Variants in RBM26 observed in about 807,000 individuals in gnomAD.
RBM26 encodes RNA binding motif protein 26.
RBM26 carries 30 observed loss-of-function variants against 123.6 expected under a neutral mutation model. The observed-to-expected ratio is 0.24, with a 90% CI of 0.18 to 0.33. RBM26 has a LOEUF of 0.33. RBM26 is among the 10% of genes least tolerant of loss of function. The pLI, the probability that RBM26 is intolerant of heterozygous loss-of-function variation, is 1.00. For missense variants in RBM26, 947 were observed against 1,203.6 expected (o/e 0.79, Z 3.15); for synonymous variants, 400 against 404.4 (o/e 0.99, Z 0.13).
chr13:79,348,766 C>T (rs144592326), intron 14 of RBM26, among the ~76,000 whole-genome samples: 18 of 152,242 alleles, frequency 1.2e-4, no homozygotes, highest in South Asian at 8.3e-4. Context: ...CACAGATGTG[C>T]GTTCTGTATC....
At chr13:79,329,631 T>C (rs1349856457) in intron 20 of RBM26, among the ~76,000 whole-genome samples, 1 of 152,098 alleles carries the variant, frequency 6.6e-6, no homozygotes, top group Non-Finnish European at 1.5e-5. Flanking sequence ...AAAGATGGAA[T>C]AACTTCAACA....
intron 1 of RBM26, among the ~76,000 whole-genome samples, chr13:79,402,282 T>C (rs1370846400): frequency 1.3e-5 from 2 of 152,114 alleles, no homozygotes; most frequent in African/African-American, 2.4e-5. Flanking sequence ...GATGACAATT[T>C]TAATAAAGTT....
At position 79,368,988 on chromosome 13, in the gene RBM26, T is replaced by C. The variant is rs1414177736; in HGVS notation, c.637A>G (p.Arg213Gly). 6.3e-7 allele frequency: 1 copy of C among 1,594,516 alleles called. No individual in the cohort carries two copies. Among genetic ancestry groups the C allele is most frequent in the Non-Finnish European group, 8.6e-7 (1 of 1,167,872 alleles). ...TCATATTTAGGTTTTACCAGATCCC[T>C]TTCTGCAACGAAAGATAAATGACAT... ...RSRSRTRSRERDLVKPKYDLD... is the reference protein window; with the variant it reads ...RSRSRTRSREGDLVKPKYDLD... Residue 213 changes from arginine (R) to glycine (G), a missense_variant and splice_region_variant, in exon 6 of 22, where the codon AGG (arginine) becomes GGG (glycine). Arg to Gly is a moderately radical substitution (Grantham distance 125). Around this residue, in one of 5 missense-constraint regions of RBM26, gnomAD observed 275 missense variants for 361.0 expected, o/e 0.76. Transcript: ENST00000438737.
intron 18 of RBM26, among the ~76,000 whole-genome samples, chr13:79,338,923 C>T (rs1191810382): frequency 6.6e-6 from 1 of 152,076 alleles, no homozygotes; most frequent in African/African-American, 2.4e-5. Context: ...ATTAAGACTG[C>T]CAGATTTCTG....
At chr13:79,345,024 A>G (rs2072074995) in intron 14 of RBM26, among the ~76,000 whole-genome samples, 1 of 152,160 alleles carries the variant, frequency 6.6e-6, no homozygotes, top group Non-Finnish European at 1.5e-5. Context: ...CTATAGAAAA[A>G]AAAGTAAAGA....
chr13:79,334,571 GGTGA>G lies in RBM26; in HGVS notation c.2734-145_2734-142del, dbSNP rs568336917. 3,711 of 472,438 alleles carry G rather than the reference GGTGA, an allele frequency of 7.9e-3. 29 individuals carry two copies. Among genetic ancestry groups the G allele is most frequent in the Non-Finnish European group, 0.011 (2,991 of 268,308 alleles). The allele number at this position is 472,438 out of a possible 1,614,324, so 29.3% of individuals were successfully genotyped here. ...TTCATAATGGTTAACAGAAAAGTAT[GGTGA>G]GTAATTTATTTTAGTACTTGATAAG... On this transcript the variant is annotated intron_variant, in intron 19 of 21. Coordinates refer to ENST00000438737, the MANE Select transcript of RBM26 (RefSeq NM_001366735.2).
intron 1 of RBM26, among the ~76,000 whole-genome samples, chr13:79,398,092 C>T (rs562328245): frequency 1.3e-5 from 2 of 152,244 alleles, no homozygotes; most frequent in South Asian, 4.1e-4. Flanking sequence ...ATTGAAAAGA[C>T]TTTTTCCACA....
intron 1 of RBM26, among the ~76,000 whole-genome samples, chr13:79,385,682 T>G (rs2077420802): frequency 6.6e-6 from 1 of 152,218 alleles, no homozygotes. Flanking sequence ...TTAGTTTAGT[T>G]TGATATAATA....
At chr13:79,330,188 G>A (rs1593981964) in intron 20 of RBM26, among the ~76,000 whole-genome samples, 1 of 152,278 alleles carries the variant, frequency 6.6e-6, no homozygotes, top group South Asian at 2.1e-4. Context: ...TCAGAGGCTT[G>A]TCTCTAGTCT....
chr13:79,331,655 A>C (rs1263727388), intron 20 of RBM26, among the ~76,000 whole-genome samples: 1 of 151,492 alleles, frequency 6.6e-6, no homozygotes, highest in African/African-American at 2.4e-5. Context: ...AAAAAATTGT[A>C]CCTCTGTGAG....
chr13:79,393,259 G>A (rs2078257696), intron 1 of RBM26, among the ~76,000 whole-genome samples: 1 of 152,188 alleles, frequency 6.6e-6, no homozygotes, highest in Non-Finnish European at 1.5e-5. Context: ...CATAAAGGCA[G>A]GAGGTAGGAG....
In RBM26 at chr13:79,322,345, ATACT is replaced by A. The variant is rs1372554280; in HGVS notation, c.2934_2934+3del. ...TAAAAATAAGTGGAAAAAAAATAACATACTTCTTCTTCATCAGGCTCAACTTCTT... is the reference window on the plus strand; with the variant it reads ...TAAAAATAAGTGGAAAAAAAATAACATCTTCTTCATCAGGCTCAACTTCTT... On this transcript the variant is annotated splice_donor_variant and splice_donor_region_variant and coding_sequence_variant and intron_variant, in exon 21 of 22. Coordinates refer to ENST00000438737, the MANE Select transcript of RBM26 (RefSeq NM_001366735.2). LOFTEE classifies it high-confidence loss of function. The A allele has an allele frequency of 6.5e-7, 1 of 1,536,778 alleles. No homozygotes were observed. The highest frequency in any genetic ancestry group is 8.8e-7 in the Non-Finnish European group (1 of 1,136,820).
At chr13:79,361,267 G>A (rs2074653113) in intron 9 of RBM26, among the ~76,000 whole-genome samples, 1 of 151,906 alleles carries the variant, frequency 6.6e-6, no homozygotes, top group Non-Finnish European at 1.5e-5. Context: ...TCAAATCAAC[G>A]CTCTAGACTC....
intron 11 of RBM26, among the ~76,000 whole-genome samples, chr13:79,355,899 G>A (rs549254094): frequency 6.6e-6 from 1 of 152,240 alleles, no homozygotes; most frequent in South Asian, 2.1e-4. Flanking sequence ...AATCACATTT[G>A]ATACATGAGA....
At chr13:79,339,933 C>T (rs540947387) in intron 18 of RBM26, among the ~76,000 whole-genome samples, 2 of 151,828 alleles carry the variant, frequency 1.3e-5, no homozygotes, top group Non-Finnish European at 2.9e-5. Flanking sequence ...AAACGTAAGC[C>T]GTGATAAAGG....
At chr13:79,366,233 C>T in intron 7 of RBM26, 38 bp from the exon 8 acceptor site, 5 of 1,594,610 alleles carry the variant, frequency 3.1e-6, no homozygotes, top group Non-Finnish European at 4.3e-6. Context: ...CATCTGAAAG[C>T]AAACAAATAA....
At position 79,366,792 on chromosome 13, in the gene RBM26, G is replaced by T; in HGVS notation, c.976C>A (p.Pro326Thr). 1.2e-6 allele frequency: 2 copies of T among 1,613,890 alleles called. No homozygotes were observed. The highest frequency in any genetic ancestry group is 2.2e-5 in the South Asian group (2 of 91,046). ...TGTGCTGGGAAAGGCAGCATACCAG[G>T]AAGATTCACATCTTCTACAACTACT... is the stretch of plus-strand genomic sequence containing the variant. ...DPVVVEDVNL[P>T]GMLPFPAQPP... The change falls in exon 7 of 22, where the codon CCT becomes ACT. Residue 326 changes from proline to threonine, a missense_variant. Transcript: ENST00000438737.
chr13:79,387,627 T>C (rs78501617), intron 1 of RBM26, among the ~76,000 whole-genome samples: 2,952 of 152,146 alleles, frequency 0.019, 97 homozygotes, highest in African/African-American at 0.067. Flanking sequence ...TGAAAAAATA[T>C]TTGGCTTTCA....
intron 1 of RBM26, among the ~76,000 whole-genome samples, chr13:79,400,163 T>C (rs2078942139): frequency 6.6e-6 from 1 of 152,178 alleles, no homozygotes; most frequent in African/African-American, 2.4e-5. Flanking sequence ...CAAAAAAAGT[T>C]TTTAAGAACC....
Sources: gnomAD v4.1 joint callset for allele counts (sites outside exome capture counted in the v4.1 genomes callset) on GRCh38, gnomAD v4.1.1 for gene constraint, gnomAD v4.1.1 regional missense constraint, MANE v1.5 for transcripts, NCBI Gene and HGNC (gene_info 2026-07-23, HGNC 2026-07-21) for gene names.